EXOC2: variants seen among roughly 807,000 people sequenced by gnomAD.
The protein encoded by EXOC2 is exocyst complex component 2.
A neutral mutation model predicts 131.8 loss-of-function variants in EXOC2; 70 were observed. That is an observed-to-expected ratio of 0.53 (90% confidence interval 0.44 to 0.65). EXOC2 has a LOEUF of 0.65. Ranked by LOEUF, EXOC2 falls within the 30% of genes least tolerant of loss-of-function variation. The pLI is 0.00. For missense variants in EXOC2, 923 were observed against 1,108.6 expected (o/e 0.83, Z 2.38); for synonymous variants, 411 against 398.4 (o/e 1.03, Z -0.38).
chr6:590,260 A>G (rs1223521310), intron 11 of EXOC2, among the ~76,000 whole-genome samples: 1 of 152,216 alleles, frequency 6.6e-6, no homozygotes, highest in Non-Finnish European at 1.5e-5. Context: ...AAGACTGCAG[A>G]CTGTGTGTAA....
intron 24 of EXOC2, among the ~76,000 whole-genome samples, chr6:498,476 CAATT>C (rs1763863443): frequency 6.6e-6 from 1 of 152,164 alleles, no homozygotes; most frequent in African/African-American, 2.4e-5. Context: ...TATAAGATCA[CAATT>C]AAAAATATTG....
At chr6:542,478 T>C (rs1228504366) in intron 22 of EXOC2, among the ~76,000 whole-genome samples, 1 of 152,158 alleles carries the variant, frequency 6.6e-6, no homozygotes, top group African/African-American at 2.4e-5. Flanking sequence ...GGATGAGACA[T>C]CTGCATCTCA....
Position 497,564 on chromosome 6 carries a change from C to A in EXOC2, c.2437-75G>T, listed in dbSNP as rs536034487. ...ATTTGTTAAAGACAAAGTTAACATT[C>A]AAAACAAAACAAAAGAAAATCAACA... is the stretch of plus-strand genomic sequence containing the variant. On this transcript the variant is annotated intron_variant, in intron 24 of 27. Coordinates refer to ENST00000230449, the MANE Select transcript of EXOC2 (RefSeq NM_018303.6). 2.4e-5 allele frequency: 36 copies of A among 1,479,262 alleles called. No individual in the cohort carries two copies. In the South Asian group the frequency reaches 5.2e-4, roughly 21 times the overall value. 91.6% of individuals were successfully genotyped at this position (1,479,262 alleles called of 1,614,324 possible).
intron 1 of EXOC2, among the ~76,000 whole-genome samples, chr6:691,076 T>TA (rs1764903344): frequency 6.6e-6 from 1 of 152,246 alleles, no homozygotes; most frequent in Admixed American, 6.5e-5. Flanking sequence ...AGTGGAAAAG[T>TA]AACTGAGAGG....
intron 1 of EXOC2, chr6:656,216 C>A: frequency 1.2e-6 from 2 of 1,614,220 alleles, no homozygotes; most frequent in Non-Finnish European, 1.7e-6. Context: ...GATGTATTTG[C>A]TGTCCCTCCA....
At chr6:570,420 AC>A (rs1758215126) in intron 13 of EXOC2, among the ~76,000 whole-genome samples, 2 of 152,232 alleles carry the variant, frequency 1.3e-5, no homozygotes, top group South Asian at 4.1e-4. Flanking sequence ...GGCATGAGCC[AC>A]CGCGCCTGGC....
intron 7 of EXOC2, among the ~76,000 whole-genome samples, chr6:604,841 CCTCTG>C (rs901639815): frequency 2.0e-5 from 3 of 151,630 alleles, no homozygotes; most frequent in Non-Finnish European, 4.4e-5. Context: ...CCACCGCCGG[CCTCTG>C]CTTGTCTGGG....
At chr6:576,617 G>T in intron 12 of EXOC2, 140 bp downstream of exon 12, 1 of 890,186 alleles carries the variant, frequency 1.1e-6, no homozygotes, top group Non-Finnish European at 1.6e-6. Flanking sequence ...GGTAGTTACT[G>T]TAACAAGCAA....
chr6:599,152 A>G lies in EXOC2; in HGVS notation c.816T>C (p.Asn272=), dbSNP rs961203265. ...GRKDKADSTR[N]ALNVLQRFKF... ...TAAATCGCTGAAGCACATTGAGTGCATTTCTAGTGGAATCTGCCTTGTCTT... is the reference window on the plus strand; with the variant it reads ...TAAATCGCTGAAGCACATTGAGTGCGTTTCTAGTGGAATCTGCCTTGTCTT... The change falls in exon 8 of 28, where the codon AAT becomes AAC. Residue 272 remains asparagine, a synonymous_variant. Coordinates refer to ENST00000230449, the MANE Select transcript of EXOC2 (RefSeq NM_018303.6). 7 of 1,613,232 alleles carry G rather than the reference A, an allele frequency of 4.3e-6. No homozygotes were observed. The African/African-American group carries it at 8.0e-5, about 18-fold the overall frequency.
intron 6 of EXOC2, 74 bp downstream of exon 6, chr6:617,637 T>C: frequency 6.4e-7 from 1 of 1,551,894 alleles, no homozygotes; most frequent in East Asian, 2.3e-5. Context: ...TGTCACACCC[T>C]GTAAACACCC....
At chr6:580,525 T>A (rs73716828) in intron 11 of EXOC2, among the ~76,000 whole-genome samples, 1,975 of 152,296 alleles carry the variant, frequency 0.013, 48 homozygotes, top group African/African-American at 0.044. Flanking sequence ...GCCTTTTTTT[T>A]AAAGCAGGAA....
intron 23 of EXOC2, among the ~76,000 whole-genome samples, chr6:520,734 C>T (rs1382957519): frequency 7.3e-6 from 1 of 136,720 alleles, no homozygotes; most frequent in Non-Finnish European, 1.5e-5. Flanking sequence ...ACGCACGGAG[C>T]GCCGACACTC....
At chr6:579,924 A>C (rs1448385411) in intron 11 of EXOC2, among the ~76,000 whole-genome samples, 1 of 152,232 alleles carries the variant, frequency 6.6e-6, no homozygotes, top group Non-Finnish European at 1.5e-5. Flanking sequence ...TAAAATCAGC[A>C]AAAGTCTTTA....
intron 1 of EXOC2, among the ~76,000 whole-genome samples, chr6:642,844 G>C (rs1407169040): frequency 6.6e-6 from 1 of 151,416 alleles, no homozygotes; most frequent in East Asian, 1.9e-4. Flanking sequence ...TATAGAAATA[G>C]ATTTATCTAA....
At chr6:573,047 T>G (rs1758374177) in intron 12 of EXOC2, among the ~76,000 whole-genome samples, 1 of 152,212 alleles carries the variant, frequency 6.6e-6, no homozygotes, top group African/African-American at 2.4e-5. Context: ...GTGCAGCCAG[T>G]TGTGAAATTG....
chr6:639,509 G>A (rs537796761), intron 1 of EXOC2, among the ~76,000 whole-genome samples: 1 of 151,482 alleles, frequency 6.6e-6, no homozygotes, highest in East Asian at 1.9e-4. Context: ...GCCACTGTGA[G>A]CAGGTGTGCA....
intron 6 of EXOC2, among the ~76,000 whole-genome samples, chr6:612,603 G>C (rs1300872162): frequency 6.6e-6 from 1 of 152,152 alleles, no homozygotes; most frequent in Non-Finnish European, 1.5e-5. Flanking sequence ...TAACAGGAAT[G>C]ATTCTCACTT....
chr6:649,517 A>T (rs925632010), intron 1 of EXOC2, among the ~76,000 whole-genome samples: 2 of 117,716 alleles, frequency 1.7e-5, no homozygotes, highest in African/African-American at 2.9e-5. Flanking sequence ...TGGTTTGCTT[A>T]AAAAAAAATC....
At chr6:515,289 A>G (rs1765082352) in intron 23 of EXOC2, among the ~76,000 whole-genome samples, 2 of 152,202 alleles carry the variant, frequency 1.3e-5, no homozygotes, top group Non-Finnish European at 2.9e-5. Flanking sequence ...AAAACCAGGA[A>G]GGTAGGTTAG....
Sources: gnomAD v4.1 joint callset for allele counts (sites outside exome capture counted in the v4.1 genomes callset) on GRCh38, gnomAD v4.1.1 for gene constraint, MANE v1.5 for transcripts, NCBI Gene and HGNC (gene_info 2026-07-23, HGNC 2026-07-21) for gene names.